KHDRBS2: variants seen among roughly 807,000 people sequenced by gnomAD.
The protein encoded by KHDRBS2 is KH domain-containing, RNA-binding, signal transduction-associated protein 2.
A neutral mutation model predicts 44.3 loss-of-function variants in KHDRBS2; 26 were observed. That is an observed-to-expected ratio of 0.59 (90% confidence interval 0.43 to 0.81). The LOEUF (loss-of-function observed/expected upper bound fraction) is 0.81. Among genes scored for constraint, KHDRBS2 ranks in the 40% least tolerant of loss-of-function variants. KHDRBS2 has a pLI of 0.00. For synonymous variants in KHDRBS2, 194 were observed against 151.1 expected (o/e 1.28, Z -2.08); for missense variants, 476 against 433.1 (o/e 1.10, Z -0.88).
chr6:61,732,103 T>C (rs1774551839), intron 7 of KHDRBS2, among the ~76,000 whole-genome samples: 1 of 152,128 alleles, frequency 6.6e-6, no homozygotes, highest in South Asian at 2.1e-4. Context: ...AGCTGTATTC[T>C]AAATGGGTAA....
intron 7 of KHDRBS2, among the ~76,000 whole-genome samples, chr6:61,700,534 C>A (rs1768486491): frequency 6.6e-6 from 1 of 151,370 alleles, no homozygotes; most frequent in African/African-American, 2.4e-5. Context: ...CTTCTCATTT[C>A]TTCCATAGAT....
chr6:62,280,459 G>A (rs1841644503), intron 1 of KHDRBS2, among the ~76,000 whole-genome samples: 3 of 152,152 alleles, frequency 2.0e-5, no homozygotes, highest in South Asian at 4.1e-4. Context: ...ACAGTGGAAA[G>A]TGCAGCCAAG....
chr6:62,068,525 CTTTT>C (rs1011492544), intron 2 of KHDRBS2, among the ~76,000 whole-genome samples: 1 of 151,282 alleles, frequency 6.6e-6, no homozygotes, highest in African/African-American at 2.4e-5. Flanking sequence ...AATAGTCTAA[CTTTT>C]TTTTATTTTG....
At chr6:62,055,008 T>G (rs1444847417) in intron 2 of KHDRBS2, among the ~76,000 whole-genome samples, 1 of 151,992 alleles carries the variant, frequency 6.6e-6, no homozygotes, top group African/African-American at 2.4e-5. Flanking sequence ...TTCTAGATGG[T>G]TTATAGACTT....
the KHDRBS2 span, among the ~76,000 whole-genome samples, chr6:61,655,914 T>A: frequency 1.3e-5 from 2 of 152,052 alleles, no homozygotes; most frequent in Non-Finnish European, 2.9e-5. Flanking sequence ...GGTATTTTGA[T>A]AAACGCCATT....
At chr6:61,675,773 T>C (rs1765896356), downstream of KHDRBS2, among the ~76,000 whole-genome samples, 1 of 151,834 alleles carries the variant, frequency 6.6e-6, no homozygotes, top group Admixed American at 6.6e-5. Flanking sequence ...TTAGTTAGTC[T>C]GATTGTCTAG....
chr6:61,657,907 A>G, the KHDRBS2 span, among the ~76,000 whole-genome samples: 1 of 151,990 alleles, frequency 6.6e-6, no homozygotes, highest in Non-Finnish European at 1.5e-5. Flanking sequence ...TTCTGGGTCA[A>G]GAAACAAATA....
chr6:61,657,671 A>ACTTCAGTGCTCCCTGTGG, the KHDRBS2 span, among the ~76,000 whole-genome samples: 1 of 151,942 alleles, frequency 6.6e-6, no homozygotes, highest in Non-Finnish European at 1.5e-5. Context: ...AGGTTTGGTG[A>ACTTCAGTGCTCCCTGTGG]CTTCAGTGCT....
the KHDRBS2 span, among the ~76,000 whole-genome samples, chr6:61,618,913 T>G: frequency 6.6e-6 from 1 of 152,198 alleles, no homozygotes; most frequent in Non-Finnish European, 1.5e-5. Context: ...TATTTATATT[T>G]ATCATTTCTT....
At chr6:61,781,073 C>A (rs1372771792) in intron 6 of KHDRBS2, among the ~76,000 whole-genome samples, 1 of 152,140 alleles carries the variant, frequency 6.6e-6, no homozygotes, top group African/African-American at 2.4e-5. Flanking sequence ...CAGAACATCC[C>A]AAACATATTT....
chr6:61,875,934 C>T lies in KHDRBS2; in HGVS notation c.810+18701G>A, dbSNP rs139376234. On this transcript the variant is annotated intron_variant, in intron 6 of 8. Coordinates refer to ENST00000281156, the MANE Select transcript of KHDRBS2 (RefSeq NM_152688.4). ...TATGACTTGGGTTTTTGTTTTCCTG[C>T]TGACCTGTGAAGTTGGAGTAATCTT... is the stretch of plus-strand genomic sequence containing the variant. Among the ~76,000 whole-genome samples the T allele has an allele frequency of 4.5e-3, 681 of 151,952 alleles. 9 individuals are homozygous for T. The highest frequency in any genetic ancestry group is 0.015 in the African/African-American group (641 of 41,468).
At chr6:62,240,672 G>GTATATATATATATATA (rs4036655) in intron 1 of KHDRBS2, among the ~76,000 whole-genome samples, 4 of 64,152 alleles carry the variant, frequency 6.2e-5, no homozygotes, top group Admixed American at 1.9e-4. Context: ...ATGTGTGTGT[G>GTATATATATATATATA]TATATATATA....
At position 61,873,413 on chromosome 6, in the gene KHDRBS2, T is replaced by C. The variant is rs149505064; in HGVS notation, c.810+21222A>G. Among the ~76,000 whole-genome samples the C allele has an allele frequency of 4.6e-3, 703 of 152,094 alleles. 2 individuals are homozygous for C. The highest frequency in any genetic ancestry group is 0.016 in the African/African-American group (660 of 41,556). On this transcript the variant is annotated intron_variant, in intron 6 of 8. Coordinates refer to ENST00000281156, the MANE Select transcript of KHDRBS2 (RefSeq NM_152688.4). ...ATGAAAATATAACAAATTTCATTAG[T>C]AATAATAAAAATGTTAATTAAAACA... is the stretch of plus-strand genomic sequence containing the variant.
chr6:61,573,999 T>A, the KHDRBS2 span, among the ~76,000 whole-genome samples: 70 of 152,208 alleles, frequency 4.6e-4, no homozygotes, highest in East Asian at 0.012. Context: ...TACAGCCAAC[T>A]GATCTTTGAC....
chr6:61,650,907 G>A, the KHDRBS2 span, among the ~76,000 whole-genome samples: 2 of 152,134 alleles, frequency 1.3e-5, no homozygotes, highest in East Asian at 3.9e-4. Flanking sequence ...TGAGAATCCT[G>A]ACTTTCTACC....
intron 4 of KHDRBS2, among the ~76,000 whole-genome samples, chr6:61,923,197 A>C (rs1054697579): frequency 6.6e-6 from 1 of 152,118 alleles, no homozygotes; most frequent in Admixed American, 6.6e-5. Flanking sequence ...AGACGTAGCA[A>C]CAGAAACTAT....
intron 1 of KHDRBS2, among the ~76,000 whole-genome samples, chr6:62,212,513 T>C (rs1437898875): frequency 6.6e-6 from 1 of 152,032 alleles, no homozygotes; most frequent in Non-Finnish European, 1.5e-5. Flanking sequence ...GAAATAGTAT[T>C]ATTGGAGTTG....
chr6:61,704,507 A>G (rs1769181010), intron 7 of KHDRBS2, among the ~76,000 whole-genome samples: 1 of 151,792 alleles, frequency 6.6e-6, no homozygotes, highest in Non-Finnish European at 1.5e-5. Context: ...ACTTTGCTGG[A>G]GTGACCGCGT....
At chr6:61,892,766 G>C (rs563576547) in intron 6 of KHDRBS2, among the ~76,000 whole-genome samples, 2 of 152,292 alleles carry the variant, frequency 1.3e-5, no homozygotes, top group Non-Finnish European at 2.9e-5. Flanking sequence ...ATGGATTAAA[G>C]ACTTAAATGT....
Sources: gnomAD v4.1 joint callset for allele counts (sites outside exome capture counted in the v4.1 genomes callset) on GRCh38, gnomAD v4.1.1 for gene constraint, MANE v1.5 for transcripts, NCBI Gene and HGNC (gene_info 2026-07-23, HGNC 2026-07-21) for gene names.